Variants in NSD1 observed in about 807,000 individuals in gnomAD.
NSD1 encodes the protein nuclear receptor binding SET domain protein 1, also known as histone-lysine N-methyltransferase, H3 lysine-36 specific.
Under a neutral mutation model 242.7 loss-of-function variants are expected in NSD1, and 26 were observed. The ratio of observed to expected loss-of-function variants is 0.11; its 90% confidence interval spans 0.08 to 0.15. NSD1 has a LOEUF of 0.15. NSD1 is among the 10% of genes least tolerant of loss of function. NSD1 has a pLI of 1.00. For synonymous variants in NSD1, 1,106 were observed against 1,178.1 expected, an observed-to-expected ratio of 0.94 and a Z score of 1.25; for missense variants, 2,495 against 3,272.8, an observed-to-expected ratio of 0.76 and a Z score of 5.80.
At chr5:177,218,823 C>T (rs531260133) in intron 5 of NSD1, among the ~76,000 whole-genome samples, 114 of 152,082 alleles carry the variant, frequency 7.5e-4, no homozygotes, top group African/African-American at 2.7e-3. Context: ...CCCTCCTCGG[C>T]CTCTCAAAGT....
chr5:177,144,599 G>T (rs1757083427), intron 2 of NSD1, among the ~76,000 whole-genome samples: 1 of 151,978 alleles, frequency 6.6e-6, no homozygotes. Flanking sequence ...TTTGCAGGTT[G>T]TCCTTTGTTC....
chr5:177,196,112 C>T (rs1327251010), intron 3 of NSD1, among the ~76,000 whole-genome samples: 1 of 152,022 alleles, frequency 6.6e-6, no homozygotes, highest in Non-Finnish European at 1.5e-5. Flanking sequence ...TGGGAGTTAA[C>T]TAGGGAAGAG....
intron 17 of NSD1, among the ~76,000 whole-genome samples, chr5:177,279,609 A>ATTT (rs1457964040): frequency 0.01 from 1,102 of 107,660 alleles, 64 homozygotes; most frequent in African/African-American, 0.039. Flanking sequence ...CAGCTTTGAA[A>ATTT]ATTTTTTTTT....
intron 14 of NSD1, chr5:177,266,358 G>A (rs904596879): frequency 4.3e-6 from 3 of 697,168 alleles, no homozygotes; most frequent in Middle Eastern, 5.4e-4. Context: ...ATGACCTTGC[G>A]GGCCCGGCCT....
intron 20 of NSD1, among the ~76,000 whole-genome samples, chr5:177,287,771 G>A (rs2127268775): frequency 6.6e-6 from 1 of 152,344 alleles, no homozygotes; most frequent in Non-Finnish European, 1.5e-5. Context: ...GTTCCTGCAA[G>A]CTCCTTATGG....
intron 3 of NSD1, among the ~76,000 whole-genome samples, 191 bp downstream of exon 3, chr5:177,192,210 TTTTG>T (rs1360524436): frequency 2.0e-5 from 3 of 152,184 alleles, no homozygotes; most frequent in East Asian, 1.9e-4. Context: ...AGTTTTTTTT[TTTTG>T]TTTGTTTGTT....
At chr5:177,180,713 C>T (rs899287856) in intron 2 of NSD1, among the ~76,000 whole-genome samples, 12 of 152,086 alleles carry the variant, frequency 7.9e-5, no homozygotes, top group Admixed American at 4.6e-4. Context: ...GATGGAGTCT[C>T]GCTCTGTTGC....
chr5:177,191,783 A>C, intron 2 of NSD1, 101 bp from the exon 3 acceptor site: 2 of 1,259,604 alleles, frequency 1.6e-6, no homozygotes, highest in South Asian at 1.2e-5. Context: ...TTTCATTCTC[A>C]ATTTTTCATA....
intron 2 of NSD1, among the ~76,000 whole-genome samples, chr5:177,156,779 T>G (rs1758172603): frequency 6.6e-6 from 1 of 152,180 alleles, no homozygotes; most frequent in African/African-American, 2.4e-5. Context: ...ATACCTGTAA[T>G]CCCAGCACTT....
At chr5:177,289,504 AAAG>A (rs911891013) in intron 21 of NSD1, among the ~76,000 whole-genome samples, 3 of 152,162 alleles carry the variant, frequency 2.0e-5, no homozygotes, top group African/African-American at 4.8e-5. Context: ...AGGACCTTAT[AAAG>A]AAGGTTAGTT....
At position 177,203,176 on chromosome 5, in the gene NSD1, T is replaced by G. The variant is rs192617072; in HGVS notation, c.1064-944T>G. On this transcript the variant is annotated intron_variant, in intron 3 of 22. Coordinates refer to ENST00000439151, the MANE Select transcript of NSD1 (RefSeq NM_022455.5). ...GAATTTTCGTATAAAATGATTTTTA[T>G]TTCCTTTTATTAAAAGTGACAAATT... Among the ~76,000 whole-genome samples the G allele has an allele frequency of 1.6e-3, 242 of 152,328 alleles. 1 individual carries two copies. The highest frequency in any genetic ancestry group is 5.5e-3 in the African/African-American group (229 of 41,584).
At chr5:177,197,192 C>T (rs1762164858) in intron 3 of NSD1, among the ~76,000 whole-genome samples, 1 of 151,676 alleles carries the variant, frequency 6.6e-6, no homozygotes, top group African/African-American at 2.4e-5. Context: ...ATTGCTTAAA[C>T]TTGGGAGGTG....
intron 2 of NSD1, among the ~76,000 whole-genome samples, chr5:177,139,464 G>T (rs1419299852): frequency 6.7e-6 from 1 of 150,046 alleles, no homozygotes; most frequent in Non-Finnish European, 1.5e-5. Flanking sequence ...AAAAAAAAGC[G>T]GTCAATCTTA....
intron 22 of NSD1, among the ~76,000 whole-genome samples, chr5:177,293,117 T>C (rs937662728): frequency 1.3e-5 from 2 of 152,220 alleles, no homozygotes; most frequent in African/African-American, 4.8e-5. Flanking sequence ...GGGTCGTCAC[T>C]GGCGCAGGCT....
intron 2 of NSD1, among the ~76,000 whole-genome samples, chr5:177,153,178 C>T (rs1757863364): frequency 6.7e-6 from 1 of 149,468 alleles, no homozygotes; most frequent in Admixed American, 6.7e-5. Flanking sequence ...TTATCAATTT[C>T]ATAGTAATGT....
At position 177,211,505 on chromosome 5, in the gene NSD1, G is replaced by T; in HGVS notation, c.3106G>T (p.Ala1036Ser). 1 of 1,614,088 alleles carries T rather than the reference G, an allele frequency of 6.2e-7. No individual in the cohort carries two copies. The highest frequency in any genetic ancestry group is 1.1e-5 in the South Asian group (1 of 91,082). The change falls in exon 5 of 23, where the codon GCC becomes TCC. Residue 1036 changes from alanine to serine, a missense_variant. Ala to Ser is a moderately conservative substitution (Grantham distance 99). Around this residue, in one of 19 missense-constraint regions of NSD1, gnomAD observed 426 missense variants for 411.4 expected, o/e 1.04. Coordinates refer to ENST00000439151, the MANE Select transcript of NSD1 (RefSeq NM_022455.5). ...PSSKLRDAFS[A>S]QMVKNTVNRK... ...ATCCAAATTGCGAGATGCTTTTTCA[G>T]CCCAAATGGTAAAGAACACAGTGAA...
intron 2 of NSD1, among the ~76,000 whole-genome samples, chr5:177,147,612 G>A (rs971740170): frequency 2.0e-5 from 3 of 150,570 alleles, no homozygotes; most frequent in East Asian, 2.0e-4. Flanking sequence ...TTTTTGAGAC[G>A]GAGTTTCACT....
intron 14 of NSD1, chr5:177,266,087 G>T: frequency 8.9e-7 from 1 of 1,126,100 alleles, no homozygotes; most frequent in Non-Finnish European, 1.4e-6. Flanking sequence ...GTCCTCGGTG[G>T]CCGTCACATA....
At chr5:177,282,657 C>T in intron 19 of NSD1, 76 bp downstream of exon 19, 1 of 1,091,270 alleles carries the variant, frequency 9.2e-7, no homozygotes, top group Non-Finnish European at 1.4e-6. Flanking sequence ...TATTTGTAGG[C>T]ATGTAACGCA....
Sources: allele counts gnomAD v4.1 joint callset (sites outside exome capture counted in the v4.1 genomes callset), GRCh38; gene constraint gnomAD v4.1.1; regional missense constraint gnomAD v4.1.1; transcripts MANE v1.5; gene names NCBI Gene and HGNC (gene_info 2026-07-23, HGNC 2026-07-21).